Variants in TPP2 observed in about 807,000 individuals in gnomAD.
TPP2 encodes the protein tripeptidyl-peptidase 2.
Under a neutral mutation model 155.9 loss-of-function variants are expected in TPP2, and 34 were observed. The observed-to-expected ratio is 0.22, with a 90% confidence interval of 0.17 to 0.29. The LOEUF (loss-of-function observed/expected upper bound fraction) is 0.29. Ranked by LOEUF, TPP2 falls within the 10% of genes least tolerant of loss-of-function variation. The pLI is 1.00. For synonymous variants in TPP2, 510 were observed against 529.4 expected (o/e 0.96, Z 0.50); for missense variants, 1,028 against 1,522.3 (o/e 0.68, Z 5.40).
Position 102,674,583 on chromosome 13 carries a change from A to G in TPP2, c.3579+93A>G, listed in dbSNP as rs183957108. ...TTGCTGGTTAAAAGAGGAAGAAGAT[A>G]AATGGAAAGAATCTACGCTGGGCTC... On this transcript the variant is annotated intron_variant, in intron 28 of 29. Transcript: ENST00000376052. The G allele has an allele frequency of 5.7e-3, 7,169 of 1,258,108 alleles. 30 individuals carry two copies. The highest frequency in any genetic ancestry group is 6.7e-3 in the Non-Finnish European group (5,940 of 892,988). 77.9% of individuals were successfully genotyped at this position (1,258,108 alleles called of 1,614,324 possible).
chr13:102,641,054 C>G (rs561222098), intron 16 of TPP2, among the ~76,000 whole-genome samples: 1 of 152,256 alleles, frequency 6.6e-6, no homozygotes, highest in Non-Finnish European at 1.5e-5. Flanking sequence ...ATCTTTGAAG[C>G]TCTGTTTATA....
chr13:102,671,680 A>G (rs939726145), intron 27 of TPP2, among the ~76,000 whole-genome samples: 2 of 152,146 alleles, frequency 1.3e-5, no homozygotes, highest in Admixed American at 6.5e-5. Context: ...CCGCTTGCCT[A>G]AGACAGGGTC....
intron 17 of TPP2, among the ~76,000 whole-genome samples, chr13:102,644,061 GT>G (rs1468964281): frequency 6.6e-6 from 1 of 150,752 alleles, no homozygotes; most frequent in African/African-American, 2.4e-5. Context: ...AAGAGCAGGT[GT>G]TTTTTTTTCC....
At chr13:102,665,085 A>G (rs1211659798) in intron 27 of TPP2, 160 bp downstream of exon 27, 6 of 1,004,172 alleles carry the variant, frequency 6.0e-6, no homozygotes, top group Non-Finnish European at 8.3e-6. Flanking sequence ...TAGAAATTTT[A>G]AAATAATTTT....
At chr13:102,636,185 C>A in intron 12 of TPP2, 39 bp from the exon 13 acceptor site, 1 of 1,512,996 alleles carries the variant, frequency 6.6e-7, no homozygotes, top group South Asian at 1.3e-5. Context: ...TTTTTTGACC[C>A]AACCATTTAT....
chr13:102,668,443 AT>A (rs955286674), intron 27 of TPP2, among the ~76,000 whole-genome samples: 5 of 151,442 alleles, frequency 3.3e-5, no homozygotes, highest in Non-Finnish European at 7.3e-5. Flanking sequence ...TACTGCTTGT[AT>A]TCCAGCTTTG....
Position 102,651,361 on chromosome 13 carries a change from G to C in TPP2, c.2955G>C (p.Gly985=), listed in dbSNP as rs987672155. The C allele has an allele frequency of 6.3e-6, 10 of 1,582,140 alleles. No homozygotes were observed. Among genetic ancestry groups the C allele is most frequent in the Non-Finnish European group, 7.7e-6 (9 of 1,163,206 alleles). Residue 985 remains glycine (G), a splice_region_variant and synonymous_variant, in exon 24 of 30, where the codon GGG becomes GGC. Transcript: ENST00000376052. ...LSKTELGKKA[G]QSAAKRQGKF... is the part of the protein sequence containing the mutation. ...CAGAATGTCGTTCTAACTCCCAGGG[G>C]CAGTCTGCAGCAAAACGACAAGGAA...
chr13:102,668,288 A>T (rs1884738557), intron 27 of TPP2, among the ~76,000 whole-genome samples: 1 of 152,108 alleles, frequency 6.6e-6, no homozygotes, highest in Non-Finnish European at 1.5e-5. Flanking sequence ...CCAGCCTTCC[A>T]AGAAGGTTTG....
chr13:102,645,801 A>G (rs767286944), intron 19 of TPP2, among the ~76,000 whole-genome samples: 3 of 152,340 alleles, frequency 2.0e-5, no homozygotes, highest in South Asian at 4.1e-4. Context: ...TACATTAGCA[A>G]CTTCCTTCAG....
intron 27 of TPP2, 73 bp downstream of exon 27, chr13:102,664,998 T>A: frequency 6.5e-7 from 1 of 1,550,130 alleles, no homozygotes; most frequent in Non-Finnish European, 8.8e-7. Flanking sequence ...GGGACTAATA[T>A]TATAGAGGAT....
intron 1 of TPP2, among the ~76,000 whole-genome samples, chr13:102,598,864 C>T (rs1479856733): frequency 6.6e-6 from 1 of 152,188 alleles, no homozygotes; most frequent in Non-Finnish European, 1.5e-5. Flanking sequence ...TATAAGAGGA[C>T]TGGCTAATTA....
chr13:102,600,971 G>A (rs1302334633), intron 1 of TPP2, among the ~76,000 whole-genome samples: 2 of 151,254 alleles, frequency 1.3e-5, no homozygotes, highest in Admixed American at 6.6e-5. Flanking sequence ...ACTCATTTCA[G>A]CCTCAAACTC....
At chr13:102,676,547 T>C in intron 29 of TPP2, 132 bp downstream of exon 29, 1 of 1,064,098 alleles carries the variant, frequency 9.4e-7, no homozygotes, top group Admixed American at 2.6e-5. Flanking sequence ...GTAATTAGCG[T>C]AATATGAACT....
intron 24 of TPP2, among the ~76,000 whole-genome samples, chr13:102,652,750 C>T (rs1883600615): frequency 6.6e-6 from 1 of 152,062 alleles, no homozygotes; most frequent in African/African-American, 2.4e-5. Context: ...ATCAGTATTT[C>T]TCAACTGGGT....
At chr13:102,677,270 C>G (rs1024598491) in intron 29 of TPP2, among the ~76,000 whole-genome samples, 8 of 152,148 alleles carry the variant, frequency 5.3e-5, no homozygotes, top group Non-Finnish European at 1.0e-4. Context: ...TGGTTCTCAT[C>G]ATGTGGAATC....
intron 25 of TPP2, among the ~76,000 whole-genome samples, chr13:102,661,270 A>G (rs1322514012): frequency 1.1e-4 from 6 of 56,672 alleles, no homozygotes; most frequent in African/African-American, 4.5e-4. Flanking sequence ...TTTTTTTTTG[A>G]GACAGGGTCT....
intron 10 of TPP2, 101 bp downstream of exon 10, chr13:102,630,296 TG>T (rs1212269213): frequency 4.7e-5 from 34 of 720,472 alleles, no homozygotes; most frequent in Non-Finnish European, 6.5e-5. Context: ...TTTTTTCTGT[TG>T]GTTTTTACTT....
intron 11 of TPP2, among the ~76,000 whole-genome samples, chr13:102,634,443 T>C (rs1488747329): frequency 1.3e-5 from 2 of 152,104 alleles, no homozygotes; most frequent in Non-Finnish European, 2.9e-5. Context: ...AGATGTTGCA[T>C]GTTAGAGGTT....
At chr13:102,660,508 A>G (rs1884136078) in intron 25 of TPP2, among the ~76,000 whole-genome samples, 7 of 152,208 alleles carry the variant, frequency 4.6e-5, no homozygotes, top group Admixed American at 4.6e-4. Flanking sequence ...ACCTGAGTAA[A>G]TGGAAAAGGT....
Sources: gnomAD v4.1 joint callset for allele counts (sites outside exome capture counted in the v4.1 genomes callset) on GRCh38, gnomAD v4.1.1 for gene constraint, MANE v1.5 for transcripts, NCBI Gene and HGNC (gene_info 2026-07-23, HGNC 2026-07-21) for gene names.